The following ABCG5 variants were observed in gnomAD, a reference collection of about 807,000 sequenced individuals.
ABCG5 encodes the protein ATP binding cassette subfamily G member 5, also known as ATP-binding cassette sub-family G member 5.
ABCG5 carries 64 observed loss-of-function variants against 64.5 expected under a neutral mutation model. The ratio of observed to expected loss-of-function variants is 0.99; its 90% CI spans 0.81 to 1.22. ABCG5 has a LOEUF of 1.22. ABCG5 is among the 50% of genes most tolerant of loss of function. ABCG5 has a pLI of 0.00. For synonymous variants in ABCG5, 385 were observed against 326.3 expected (o/e 1.18, Z -1.94); for missense variants, 908 against 829.5 (o/e 1.09, Z -1.16).
chr2:43,814,363 G>A (rs1270325577), intron 12 of ABCG5, 114 bp downstream of exon 12: 1 of 735,490 alleles, frequency 1.4e-6, no homozygotes, highest in Non-Finnish European at 2.3e-6. Context: ...TCAAAACAGA[G>A]TTTTAAATTG....
intron 9 of ABCG5, among the ~76,000 whole-genome samples, chr2:43,823,523 G>A (rs1572765673): frequency 1.3e-5 from 2 of 152,284 alleles, no homozygotes; most frequent in South Asian, 4.1e-4. Context: ...TTGAAAATTA[G>A]GTGCTGGCTG....
At chr2:43,822,526 T>C in intron 10 of ABCG5, 1 of 980,274 alleles carries the variant, frequency 1.0e-6, no homozygotes, top group Non-Finnish European at 1.2e-6. Flanking sequence ...TCCTCTCTTC[T>C]CTGGCCCAGG....
chr2:43,810,754 G>A (rs141254604), downstream of ABCG5, among the ~76,000 whole-genome samples: 272 of 152,282 alleles, frequency 1.8e-3, no homozygotes, highest in African/African-American at 6.2e-3. Flanking sequence ...ATGTTTCCAA[G>A]GAACCTCAGT....
At chr2:43,826,170 T>C (rs1210242759) in intron 6 of ABCG5, among the ~76,000 whole-genome samples, 5 of 151,650 alleles carry the variant, frequency 3.3e-5, no homozygotes, top group South Asian at 2.1e-4. Context: ...TTCTTTCTTT[T>C]TTTTTTTTTT....
intron 2 of ABCG5, among the ~76,000 whole-genome samples, chr2:43,836,218 A>G (rs6741243): frequency 0.53 from 80,601 of 151,636 alleles, 22,661 homozygotes; most frequent in East Asian, 0.86. Flanking sequence ...TGGGATTACA[A>G]GCATGAGCCA....
At chr2:43,813,694 G>T (rs1418620740) in intron 12 of ABCG5, among the ~76,000 whole-genome samples, 27 of 116,270 alleles carry the variant, frequency 2.3e-4, no homozygotes, top group East Asian at 7.0e-4. Context: ...TGTTTTTTTT[G>T]GGGTTTTTTT....
intron 2 of ABCG5, among the ~76,000 whole-genome samples, chr2:43,837,396 C>A (rs187764633): frequency 6.6e-6 from 1 of 152,150 alleles, no homozygotes; most frequent in Admixed American, 6.5e-5. Context: ...GCTGGGATTA[C>A]AGTCATAAGC....
At position 43,812,965 on chromosome 2, in the gene ABCG5, T is replaced by A. The variant is rs1033210250; in HGVS notation, c.*151A>T. The stretch of plus-strand genomic sequence containing the variant: ...CACTTCCATTGCATTCAAGGCCTGC[T>A]TGGATCCAAGAGGCACAAATGGAGT... On this transcript the variant is annotated 3_prime_UTR_variant, in exon 13 of 13. Transcript: ENST00000405322. 1.5e-6 allele frequency: 1 copy of A among 663,782 alleles called. No homozygotes were observed. Among genetic ancestry groups the A allele is most frequent in the African/African-American group, 1.8e-5 (1 of 55,582 alleles). 41.1% of individuals were successfully genotyped at this position (663,782 alleles called of 1,614,324 possible). A position where few individuals can be genotyped will look rare whatever the true frequency, so the allele number is the denominator to read the frequency against.
chr2:43,820,532 A>G (rs575465737), intron 10 of ABCG5, among the ~76,000 whole-genome samples: 69 of 152,168 alleles, frequency 4.5e-4, no homozygotes, highest in Non-Finnish European at 8.8e-4. Flanking sequence ...CATCTCTGTT[A>G]TATGGGATTA....
intron 10 of ABCG5, among the ~76,000 whole-genome samples, chr2:43,821,876 C>T (rs1667229480): frequency 6.6e-6 from 1 of 152,014 alleles, no homozygotes; most frequent in Non-Finnish European, 1.5e-5. Context: ...CTCTCTCTCT[C>T]CCCCTCTCTT....
At chr2:43,810,155 C>G, downstream of ABCG5, 7 of 363,670 alleles carry the variant, frequency 1.9e-5, no homozygotes, top group Non-Finnish European at 2.7e-5. Flanking sequence ...AAAAGGCATT[C>G]TCAGCTGTAG....
At position 43,838,568 on chromosome 2, in the gene ABCG5, G is replaced by C. The variant is rs375829761; in HGVS notation, c.112C>G (p.Leu38Val). ...APATAPEPHS[L>V]GILHASYSVS... ...CTGTAGGAGGCATGGAGGATGCCCA[G>C]GCTGTGAGGCTCCGGGGCGGTGGCA... Residue 38 changes from leucine (L) to valine (V), a missense_variant, in exon 1 of 13, where the codon CTG becomes GTG. Leu to Val is a conservative substitution (Grantham distance 32, BLOSUM62 1). Transcript: ENST00000405322. This position sits in a 1 kb window ranked among gnomAD's most constrained non-coding sequence, Gnocchi z 4.2. 1.4e-5 allele frequency: 22 copies of C among 1,608,314 alleles called. No individual in the cohort carries two copies. In the Admixed American group the frequency reaches 3.2e-4, roughly 23 times the overall value.
At chr2:43,823,007 G>C (rs2104806707) in intron 9 of ABCG5, 72 bp from the exon 10 acceptor site, 3 of 1,586,058 alleles carry the variant, frequency 1.9e-6, no homozygotes, top group Non-Finnish European at 2.6e-6. Flanking sequence ...AGCCCAAGCT[G>C]AATGTGAGGT....
intron 12 of ABCG5, 67 bp from the exon 13 acceptor site, chr2:43,813,376 AC>A: frequency 1.0e-5 from 12 of 1,163,392 alleles, no homozygotes; most frequent in Non-Finnish European, 1.5e-5. Context: ...ACAAGTATTT[AC>A]CAAGCGCTTG....
Position 43,819,006 on chromosome 2 carries a change from G to C in ABCG5, c.1649+909C>G, listed in dbSNP as rs573350396. ...CACAGCCTTCATAGTGGTGTGACTT[G>C]AGCAAAGTCAAGTCTGAGCTTCATT... On this transcript the variant is annotated intron_variant, in intron 11 of 12. Coordinates refer to ENST00000405322, the MANE Select transcript of ABCG5 (RefSeq NM_022436.3). 2.6e-5 allele frequency among the ~76,000 whole-genome samples: 4 copies of C among 152,282 alleles called. No individual in the cohort carries two copies. The South Asian group carries it at 8.3e-4, about 32-fold the overall frequency.
At position 43,838,492 on chromosome 2, in the gene ABCG5, C is replaced by T; in HGVS notation, c.143+45G>A. 6.4e-7 allele frequency: 1 copy of T among 1,553,696 alleles called. No homozygotes were observed. Among genetic ancestry groups the T allele is most frequent in the Non-Finnish European group, 8.7e-7 (1 of 1,145,370 alleles). On this transcript the variant is annotated intron_variant, in intron 1 of 12. Coordinates refer to ENST00000405322, the MANE Select transcript of ABCG5 (RefSeq NM_022436.3). The surrounding 1 kb of genome is among the most constrained non-coding windows in gnomAD (Gnocchi z 4.2). ...AGGCAGCAGAGGGGTGAGCGCCGGG[C>T]CCCGCACTCCTGGGGGAGCAGCAGC...
chr2:43,825,601 G>T (rs111576099), intron 6 of ABCG5, among the ~76,000 whole-genome samples: 1,524 of 150,440 alleles, frequency 0.01, 20 homozygotes, highest in African/African-American at 0.036. Context: ...TTGTTGTTTT[G>T]TTGTTATTGT....
intron 11 of ABCG5, among the ~76,000 whole-genome samples, chr2:43,816,487 G>A (rs1666838324): frequency 6.6e-6 from 1 of 152,184 alleles, no homozygotes; most frequent in African/African-American, 2.4e-5. Flanking sequence ...AGCAGCGGGA[G>A]GAACCATAGA....
chr2:43,821,119 T>C (rs138279087), intron 10 of ABCG5, among the ~76,000 whole-genome samples: 7 of 152,332 alleles, frequency 4.6e-5, no homozygotes, highest in African/African-American at 1.7e-4. Flanking sequence ...TTGGCATGTC[T>C]TATACTCGCC....
Sources: allele counts gnomAD v4.1 joint callset (sites outside exome capture counted in the v4.1 genomes callset), GRCh38; gene constraint gnomAD v4.1.1; non-coding constraint Gnocchi (gnomAD v3.1); transcripts MANE v1.5; gene names NCBI Gene and HGNC (gene_info 2026-07-23, HGNC 2026-07-21).